PLAAT3: variants seen among roughly 807,000 people sequenced by gnomAD.
PLAAT3 encodes the protein phospholipase A and acyltransferase 3.
In PLAAT3, 21 loss-of-function variants were observed where a neutral mutation model predicts 16.7. The ratio of observed to expected loss-of-function variants is 1.26; its 90% CI spans 0.89 to 1.81. PLAAT3 has a LOEUF of 1.81. Ranked by LOEUF, PLAAT3 falls within the 40% of genes most tolerant of loss-of-function variation. The pLI is 0.00. For synonymous variants in PLAAT3, 76 were observed against 81.7 expected (o/e 0.93, Z 0.38); for missense variants, 219 against 213.7 (o/e 1.02, Z -0.16).
chr11:63,597,943 G>A, intron 3 of PLAAT3, 118 bp downstream of exon 3: 1 of 706,082 alleles, frequency 1.4e-6, no homozygotes, highest in Non-Finnish European at 2.5e-6. Context: ...AACATTCAGA[G>A]ACAACTGCCA....
At chr11:63,611,838 A>G (rs757846551) in intron 2 of PLAAT3, among the ~76,000 whole-genome samples, 2 of 152,246 alleles carry the variant, frequency 1.3e-5, no homozygotes, top group Non-Finnish European at 2.9e-5. Flanking sequence ...TTTGCCAAAT[A>G]TAATTGAAAT....
chr11:63,579,254 A>C (rs1179947407), intron 4 of PLAAT3, among the ~76,000 whole-genome samples: 1 of 152,210 alleles, frequency 6.6e-6, no homozygotes, highest in Non-Finnish European at 1.5e-5. Context: ...GAGAAATAGG[A>C]ACACTTTTAC....
At chr11:63,595,509 C>T (rs777354364) in intron 3 of PLAAT3, among the ~76,000 whole-genome samples, 3 of 152,046 alleles carry the variant, frequency 2.0e-5, no homozygotes, top group Non-Finnish European at 2.9e-5. Context: ...CAAAAGAGCA[C>T]GGGCCGTGTG....
chr11:63,605,693 C>T (rs1191144853), intron 2 of PLAAT3, among the ~76,000 whole-genome samples: 1 of 151,920 alleles, frequency 6.6e-6, no homozygotes, highest in East Asian at 2.0e-4. Flanking sequence ...GCTGGGACTA[C>T]AGGCGCCCGC....
chr11:63,611,256 AC>A (rs1486470828), intron 2 of PLAAT3, among the ~76,000 whole-genome samples: 2 of 152,102 alleles, frequency 1.3e-5, no homozygotes, highest in Admixed American at 1.3e-4. Context: ...ACAGACATGA[AC>A]CACACGTCTG....
chr11:63,578,892 A>G (rs1274065096), intron 4 of PLAAT3, among the ~76,000 whole-genome samples: 2 of 152,026 alleles, frequency 1.3e-5, no homozygotes, highest in African/African-American at 4.8e-5. Flanking sequence ...TAAACTAAAG[A>G]GCTTCTGCAC....
At chr11:63,585,771 G>T (rs1245574335) in intron 4 of PLAAT3, among the ~76,000 whole-genome samples, 2 of 152,132 alleles carry the variant, frequency 1.3e-5, no homozygotes, top group East Asian at 3.8e-4. Flanking sequence ...GATGGGTAGG[G>T]CCAAAGTCCC....
At chr11:63,579,601 T>G (rs866852104) in intron 4 of PLAAT3, among the ~76,000 whole-genome samples, 4 of 151,668 alleles carry the variant, frequency 2.6e-5, no homozygotes, top group South Asian at 2.1e-4. Context: ...GAAACCATTA[T>G]TTTCAGCAAA....
rs180898236 is a variant in PLAAT3, at chr11:63,613,139, C to T, written c.15+861G>A. ...ATAATCTTCACTCTGCGGCAGGGCT[C>T]GGTGGCTCACGCCTGTAATCCCAGC... On this transcript the variant is annotated intron_variant, in intron 2 of 4. Transcript: ENST00000415826. Among the ~76,000 whole-genome samples the T allele has an allele frequency of 1.6e-3, 236 of 152,252 alleles. 1 individual carries two copies. Among genetic ancestry groups the T allele is most frequent in the African/African-American group, 5.4e-3 (225 of 41,550 alleles).
At chr11:63,577,367 TC>T (rs1377624748) in intron 4 of PLAAT3, among the ~76,000 whole-genome samples, 2 of 152,182 alleles carry the variant, frequency 1.3e-5, no homozygotes, top group African/African-American at 4.8e-5. Context: ...AGATGGGGTT[TC>T]ACCATATTGG....
chr11:63,613,856 C>A (rs1349177780), intron 2 of PLAAT3, 144 bp downstream of exon 2: 9 of 651,488 alleles, frequency 1.4e-5, no homozygotes, highest in Non-Finnish European at 1.9e-5. Flanking sequence ...GCAGCTGACA[C>A]CGATGCCTCG....
At chr11:63,590,391 CAG>C (rs1938121323) in intron 3 of PLAAT3, 23 bp from the exon 4 acceptor site, 1 of 1,611,234 alleles carries the variant, frequency 6.2e-7, no homozygotes, top group Non-Finnish European at 8.5e-7. Context: ...AAAGAGGAAA[CAG>C]AGGGATTGGT....
intron 2 of PLAAT3, among the ~76,000 whole-genome samples, chr11:63,609,578 C>T (rs1304527814): frequency 6.6e-6 from 1 of 152,204 alleles, no homozygotes; most frequent in Admixed American, 6.5e-5. Context: ...GACCCCATGC[C>T]GCACGCAGGC....
At chr11:63,586,430 G>A (rs994750570) in intron 4 of PLAAT3, among the ~76,000 whole-genome samples, 2 of 152,156 alleles carry the variant, frequency 1.3e-5, no homozygotes, top group African/African-American at 2.4e-5. Context: ...CACCACGCCC[G>A]GCCAGCCCCG....
chr11:63,596,017 G>A (rs540658630), intron 3 of PLAAT3, among the ~76,000 whole-genome samples: 43 of 151,974 alleles, frequency 2.8e-4, no homozygotes, highest in African/African-American at 9.4e-4. Context: ...CAAGGAAGGC[G>A]GATCACGAGG....
intron 4 of PLAAT3, among the ~76,000 whole-genome samples, chr11:63,586,564 C>A (rs76171703): frequency 1.3e-5 from 2 of 152,150 alleles, no homozygotes; most frequent in Admixed American, 1.3e-4. Flanking sequence ...TATTGCTTCC[C>A]AAGGTTGTCT....
rs1233896167 is a variant in PLAAT3 at position 63,598,152 on chromosome 11, C to T, written c.27G>A (p.Lys9=). 3 of 1,613,432 alleles carry T rather than the reference C, an allele frequency of 1.9e-6. No homozygotes were observed. Among genetic ancestry groups the T allele is most frequent in the South Asian group, 2.2e-5 (2 of 91,056 alleles). ...GAAAAATCTCAATCAGGTCTCCAGG[C>T]TTAGGCTCTGGCTGCAAAACCAAGA... is the stretch of plus-strand genomic sequence containing the variant. MRAPIPEP[K]PGDLIEIFRP... Residue 9 remains lysine, a synonymous_variant, in exon 3 of 5, where the codon AAG becomes AAA. Coordinates refer to ENST00000415826, the MANE Select transcript of PLAAT3 (RefSeq NM_001128203.2).
intron 4 of PLAAT3, 44 bp downstream of exon 4, chr11:63,590,056 A>C (rs1254544508): frequency 6.3e-7 from 1 of 1,589,270 alleles, no homozygotes. Context: ...CAGCAGAGGG[A>C]ATGGTCTGGT....
intron 2 of PLAAT3, among the ~76,000 whole-genome samples, chr11:63,600,108 A>G (rs1397238965): frequency 6.6e-6 from 1 of 152,120 alleles, no homozygotes; most frequent in African/African-American, 2.4e-5. Context: ...CAGCCTCCCA[A>G]ATAGTTGGGA....
Sources: allele counts gnomAD v4.1 joint callset (sites outside exome capture counted in the v4.1 genomes callset), GRCh38; gene constraint gnomAD v4.1.1; transcripts MANE v1.5; gene names NCBI Gene and HGNC (gene_info 2026-07-23, HGNC 2026-07-21).